Variants in PKP4 observed in about 807,000 individuals in gnomAD.
The protein encoded by PKP4 is plakophilin-4.
A neutral mutation model predicts 145.1 loss-of-function variants in PKP4; 90 were observed. That is an observed-to-expected ratio of 0.62 (90% CI 0.52 to 0.74). PKP4 has a LOEUF of 0.74. PKP4 is among the 30% of genes least tolerant of loss of function. The probability of loss-of-function intolerance (pLI) is 0.00; values close to 1 mark genes in which losing one functional copy is unlikely to be tolerated. For synonymous variants in PKP4, 563 were observed against 577.2 expected, an observed-to-expected ratio of 0.98 and a Z score of 0.35; for missense variants, 1,340 against 1,482.7, an observed-to-expected ratio of 0.90 and a Z score of 1.58.
chr2:158,594,600 A>C (rs189865252), intron 3 of PKP4, among the ~76,000 whole-genome samples: 21 of 152,272 alleles, frequency 1.4e-4, no homozygotes, highest in Middle Eastern at 3.4e-3. Context: ...GTCTCCATCC[A>C]ACAGAGAATT....
intron 3 of PKP4, among the ~76,000 whole-genome samples, chr2:158,590,719 A>G (rs1354928131): frequency 2.0e-5 from 3 of 152,180 alleles, no homozygotes; most frequent in Non-Finnish European, 2.9e-5. Context: ...TGAATGAAGT[A>G]GTTTAATCAG....
intron 4 of PKP4, among the ~76,000 whole-genome samples, chr2:158,616,135 A>G (rs1288781478): frequency 1.3e-5 from 2 of 152,208 alleles, no homozygotes; most frequent in Non-Finnish European, 2.9e-5. Context: ...TCTCCTGTGG[A>G]GGAAGGAATA....
chr2:158,510,820 G>A (rs1046050135), intron 1 of PKP4, among the ~76,000 whole-genome samples: 17 of 152,328 alleles, frequency 1.1e-4, no homozygotes, highest in South Asian at 4.1e-4. Flanking sequence ...CAGCAAGAAT[G>A]CCCACTGTGC....
intron 7 of PKP4, among the ~76,000 whole-genome samples, chr2:158,630,793 A>G (rs1166113649): frequency 6.6e-6 from 1 of 152,236 alleles, no homozygotes; most frequent in Non-Finnish European, 1.5e-5. Context: ...ATGATATAAT[A>G]ATAAGTCATT....
chr2:158,674,056 C>T, intron 19 of PKP4, 56 bp downstream of exon 19: 2 of 959,924 alleles, frequency 2.1e-6, no homozygotes, highest in South Asian at 1.3e-5. Context: ...GAACATTGTT[C>T]CCCAGCCAGA....
At chr2:158,632,206 T>C (rs1252073422) in intron 8 of PKP4, among the ~76,000 whole-genome samples, 1 of 152,210 alleles carries the variant, frequency 6.6e-6, no homozygotes, top group Admixed American at 6.5e-5. Flanking sequence ...AAACTGTAAA[T>C]CTGACTCTCC....
intron 9 of PKP4, among the ~76,000 whole-genome samples, chr2:158,638,535 A>G (rs897376217): frequency 6.6e-6 from 1 of 152,092 alleles, no homozygotes; most frequent in Non-Finnish European, 1.5e-5. Context: ...AATGGCTGTT[A>G]GTGACATCAC....
At chr2:158,502,810 C>T (rs940057879) in intron 1 of PKP4, among the ~76,000 whole-genome samples, 1 of 152,190 alleles carries the variant, frequency 6.6e-6, no homozygotes, top group Non-Finnish European at 1.5e-5. Flanking sequence ...ACAACTTTTA[C>T]AGTGTGTTAG....
In PKP4 at chr2:158,608,811, T is replaced by TCTTTTTTTTTTTTTTTTTTTTTTTTTTG. The variant is rs1553459086; in HGVS notation, c.280+5707_280+5708insCTTTTTTTTTTTTTTTTTTTTTTTTTTG. ...AAAATCTTATTTTCTTTTCTTTCTT[T>TCTTTTTTTTTTTTTTTTTTTTTTTTTTG]TTTTTTTTTTTTTTTTTTTTGAGAC... On this transcript the variant is annotated intron_variant, in intron 4 of 21. Coordinates refer to ENST00000389759, the MANE Select transcript of PKP4 (RefSeq NM_003628.6). 4.8e-5 allele frequency among the ~76,000 whole-genome samples: 2 copies of TCTTTTTTTTTTTTTTTTTTTTTTTTTTG among 41,896 alleles called. 1 individual carries two copies. The highest frequency in any genetic ancestry group is 1.1e-4 in the African/African-American group (2 of 17,454). 27.5% of individuals were successfully genotyped at this position (41,896 alleles called of 152,430 possible). A position where few individuals can be genotyped will look rare whatever the true frequency, so the allele number is the denominator to read the frequency against.
At chr2:158,660,808 T>G (rs1483744917) in intron 12 of PKP4, 1 of 152,150 alleles carries the variant, frequency 6.6e-6, no homozygotes, top group Non-Finnish European at 1.5e-5. Context: ...CAAAAAACAT[T>G]TAATGACCAC....
intron 12 of PKP4, chr2:158,658,530 A>C: frequency 2.3e-6 from 1 of 437,226 alleles, no homozygotes; most frequent in Non-Finnish European, 4.0e-6. Context: ...CTCTTCTGTG[A>C]CTTACTCAGA....
intron 1 of PKP4, among the ~76,000 whole-genome samples, chr2:158,458,945 AAT>A (rs1225617428): frequency 3.9e-5 from 6 of 152,262 alleles, no homozygotes; most frequent in Middle Eastern, 3.4e-3. Flanking sequence ...GAAAAAAAAA[AAT>A]AAATGCTGCC....
intron 10 of PKP4, 61 bp from the exon 11 acceptor site, chr2:158,642,425 T>C: frequency 8.0e-7 from 1 of 1,245,104 alleles, no homozygotes; most frequent in East Asian, 2.3e-5. Flanking sequence ...AACGGACTTC[T>C]GTATGATCAC....
chr2:158,586,208 A>G (rs1446712209), intron 3 of PKP4, among the ~76,000 whole-genome samples: 1 of 152,078 alleles, frequency 6.6e-6, no homozygotes, highest in East Asian at 1.9e-4. Flanking sequence ...TTTGGCTCTT[A>G]TGAATAGTGC....
intron 1 of PKP4, among the ~76,000 whole-genome samples, chr2:158,505,936 C>A (rs887964379): frequency 3.3e-5 from 5 of 152,058 alleles, no homozygotes; most frequent in Admixed American, 6.6e-5. Context: ...GGAGGCGCAT[C>A]CCTCAACTGT....
At chr2:158,614,679 T>C (rs966370335) in intron 4 of PKP4, among the ~76,000 whole-genome samples, 1 of 152,188 alleles carries the variant, frequency 6.6e-6, no homozygotes, top group Non-Finnish European at 1.5e-5. Context: ...ATGCATGATA[T>C]ATGAACAGAT....
chr2:158,465,914 T>C (rs1034419118), intron 1 of PKP4, among the ~76,000 whole-genome samples: 5 of 152,372 alleles, frequency 3.3e-5, no homozygotes, highest in South Asian at 2.1e-4. Flanking sequence ...TAATTCAGAC[T>C]GTCAACAGAT....
intron 2 of PKP4, among the ~76,000 whole-genome samples, chr2:158,560,013 T>C (rs2046387006): frequency 6.6e-6 from 1 of 152,020 alleles, no homozygotes; most frequent in Non-Finnish European, 1.5e-5. Context: ...ATTACAGTCA[T>C]GCACCACCAC....
chr2:158,460,019 G>A (rs1380578888), intron 1 of PKP4, among the ~76,000 whole-genome samples: 1 of 152,184 alleles, frequency 6.6e-6, no homozygotes, highest in Non-Finnish European at 1.5e-5. Context: ...TGTAAGGAGA[G>A]GGTGCTGCAT....
Sources: gnomAD v4.1 joint callset for allele counts (sites outside exome capture counted in the v4.1 genomes callset) on GRCh38, gnomAD v4.1.1 for gene constraint, MANE v1.5 for transcripts, NCBI Gene and HGNC (gene_info 2026-07-23, HGNC 2026-07-21) for gene names.